Variants in MAEL observed in about 807,000 individuals in gnomAD.
MAEL encodes maelstrom spermatogenic transposon silencer, also known as protein maelstrom homolog.
Under a neutral mutation model 62.0 loss-of-function variants are expected in MAEL, and 46 were observed. That is an observed-to-expected ratio of 0.74 (90% CI 0.59 to 0.95). The LOEUF (loss-of-function observed/expected upper bound fraction) is 0.95, where lower values mean the gene tolerates loss of function less well. Ranked by LOEUF, MAEL falls within the 40% of genes least tolerant of loss-of-function variation. MAEL has a pLI of 0.00. For synonymous variants in MAEL, 172 were observed against 175.5 expected, an observed-to-expected ratio of 0.98 and a Z score of 0.16; for missense variants, 497 against 526.8, an observed-to-expected ratio of 0.94 and a Z score of 0.55.
Position 166,992,757 on chromosome 1 carries a change from C to T in MAEL, c.397C>T (p.Arg133Cys), listed in dbSNP as rs182472064. ...CGAGCTACCTCCTCATTGTGAACAG[C>T]GCTTCCTCCCTTGTGAAATTGGCTG... is the stretch of plus-strand genomic sequence containing the variant. ...HGELPPHCEQ[R>C]FLPCEIGCVK... The change falls in exon 4 of 12, where the codon CGC (arginine) becomes TGC (cysteine). Residue 133 changes from arginine (R) to cysteine (C), a missense_variant. Physicochemically the swap from Arg to Cys is radical, Grantham distance 180. Transcript: ENST00000367872. The T allele has an allele frequency of 9.9e-6, 16 of 1,611,332 alleles. No individual in the cohort carries two copies. The highest frequency in any genetic ancestry group is 8.4e-5 in the Admixed American group (5 of 59,610).
At chr1:166,984,176 ACTC>A, upstream of MAEL, among the ~76,000 whole-genome samples, 1 of 151,042 alleles carries the variant, frequency 6.6e-6, no homozygotes, top group South Asian at 2.1e-4. Context: ...AAATCCTAGG[ACTC>A]CTCCTTTTTT....
upstream of MAEL, among the ~76,000 whole-genome samples, chr1:166,985,498 C>A (rs1436205117): frequency 2.6e-5 from 4 of 152,168 alleles, no homozygotes; most frequent in African/African-American, 9.7e-5. Flanking sequence ...ATATTCCCAT[C>A]AGCCAAAGTG....
intron 5 of MAEL, among the ~76,000 whole-genome samples, chr1:167,000,030 G>A (rs919648003): frequency 2.6e-5 from 4 of 152,124 alleles, no homozygotes; most frequent in African/African-American, 9.7e-5. Context: ...TCATCCAAGA[G>A]CTCTGGTGGA....
At chr1:167,021,457 G>A (rs1665626797) in intron 11 of MAEL, among the ~76,000 whole-genome samples, 1 of 152,084 alleles carries the variant, frequency 6.6e-6, no homozygotes. Context: ...TTTGTGGGGT[G>A]AGAAACTTTA....
At chr1:167,010,289 T>C (rs774618618) in intron 8 of MAEL, among the ~76,000 whole-genome samples, 4 of 152,184 alleles carry the variant, frequency 2.6e-5, no homozygotes, top group Admixed American at 1.3e-4. Flanking sequence ...CTCTTTCCTT[T>C]ATAAATTACC....
At chr1:167,016,745 C>T (rs865792695) in intron 9 of MAEL, among the ~76,000 whole-genome samples, 5 of 151,978 alleles carry the variant, frequency 3.3e-5, no homozygotes, top group Non-Finnish European at 5.9e-5. Context: ...TATCCATCAG[C>T]AGATGAATGG....
chr1:166,990,733 A>G (rs1664136130), intron 2 of MAEL: 1 of 152,256 alleles, frequency 6.6e-6, no homozygotes, highest in South Asian at 2.1e-4. Flanking sequence ...AAAGTACTAA[A>G]TAAAATTTGT....
At chr1:167,017,294 G>A (rs189852202) in intron 9 of MAEL, among the ~76,000 whole-genome samples, 1 of 152,104 alleles carries the variant, frequency 6.6e-6, no homozygotes, top group Non-Finnish European at 1.5e-5. Flanking sequence ...TAAAAATAAA[G>A]GTGGTTTTGT....
intron 1 of MAEL, 21 bp downstream of exon 1, chr1:166,989,505 G>GA: frequency 6.3e-7 from 1 of 1,579,244 alleles, no homozygotes; most frequent in South Asian, 1.2e-5. Flanking sequence ...AGCGGAGTGA[G>GA]AGGGCTGGGC....
chr1:167,004,406 G>A (rs1664804298), intron 6 of MAEL, 102 bp downstream of exon 6: 2 of 1,098,400 alleles, frequency 1.8e-6, no homozygotes, highest in South Asian at 1.9e-5. Flanking sequence ...TGTATATTGT[G>A]TGTCTTAAAA....
At chr1:167,011,360 T>C (rs1301929663) in intron 8 of MAEL, among the ~76,000 whole-genome samples, 1 of 152,190 alleles carries the variant, frequency 6.6e-6, no homozygotes, top group African/African-American at 2.4e-5. Context: ...GTTGTTGTTG[T>C]TCTTGTTAAT....
chr1:166,995,775 T>C (rs1043416075), intron 5 of MAEL, among the ~76,000 whole-genome samples: 1 of 152,208 alleles, frequency 6.6e-6, no homozygotes, highest in Non-Finnish European at 1.5e-5. Context: ...GTTAAATGCA[T>C]TGGAATCCCT....
At chr1:166,996,270 A>G (rs1040345564) in intron 5 of MAEL, among the ~76,000 whole-genome samples, 2 of 152,238 alleles carry the variant, frequency 1.3e-5, no homozygotes, top group Admixed American at 6.5e-5. Flanking sequence ...TTTAAGGAAC[A>G]TGCATATGGA....
intron 1 of MAEL, among the ~76,000 whole-genome samples, chr1:166,982,107 C>A (rs148451206): frequency 5.9e-5 from 9 of 152,154 alleles, no homozygotes; most frequent in African/African-American, 2.2e-4. Context: ...GTAGAATTCA[C>A]ATGTATATTG....
At chr1:167,008,785 A>G (rs1381486677) in intron 8 of MAEL, among the ~76,000 whole-genome samples, 1 of 152,076 alleles carries the variant, frequency 6.6e-6, no homozygotes, top group Admixed American at 6.6e-5. Flanking sequence ...AAATTATGTC[A>G]TTTTAACTCT....
upstream of MAEL, among the ~76,000 whole-genome samples, chr1:166,986,438 G>A (rs1287378367): frequency 1.3e-5 from 2 of 152,186 alleles, no homozygotes; most frequent in Non-Finnish European, 2.9e-5. Context: ...CGTGGAGTGA[G>A]AGAGTCTGAG....
chr1:166,978,510 T>C (rs1415706640), intron 1 of MAEL, among the ~76,000 whole-genome samples: 2 of 152,160 alleles, frequency 1.3e-5, no homozygotes, highest in African/African-American at 4.8e-5. Context: ...AGTCCCAATG[T>C]GGTTTCTGAA....
chr1:167,016,338 T>G, intron 9 of MAEL, 54 bp downstream of exon 9: 1 of 1,554,636 alleles, frequency 6.4e-7, no homozygotes. Flanking sequence ...TAAATTATTC[T>G]GTGCCGTTTT....
intron 1 of MAEL, among the ~76,000 whole-genome samples, chr1:166,980,905 A>G (rs928296901): frequency 3.3e-5 from 5 of 152,112 alleles, no homozygotes; most frequent in African/African-American, 1.2e-4. Context: ...TAGCCAGAAG[A>G]TTGTTTCTCA....
Sources: allele counts gnomAD v4.1 joint callset (sites outside exome capture counted in the v4.1 genomes callset), GRCh38; gene constraint gnomAD v4.1.1; transcripts MANE v1.5; gene names NCBI Gene and HGNC (gene_info 2026-07-23, HGNC 2026-07-21).